The following ARHGEF18 variants were observed in gnomAD, a reference collection of about 807,000 sequenced individuals.
The protein encoded by ARHGEF18 is rho guanine nucleotide exchange factor 18.
In ARHGEF18, 93 loss-of-function variants were observed where a neutral mutation model predicts 155.7. The observed-to-expected ratio is 0.60, with a 90% confidence interval of 0.50 to 0.71. The LOEUF (loss-of-function observed/expected upper bound fraction) is 0.71, where lower values mean the gene tolerates loss of function less well. Among genes scored for constraint, ARHGEF18 ranks in the 30% least tolerant of loss-of-function variants. The probability of loss-of-function intolerance (pLI) is 0.00; values close to 1 mark genes in which losing one functional copy is unlikely to be tolerated. For missense variants in ARHGEF18, 1,593 were observed against 1,816.1 expected (o/e 0.88, Z 2.23); for synonymous variants, 742 against 753.1 (o/e 0.99, Z 0.24).
chr19:7,421,272 A>G (rs543129350), intron 10 of ARHGEF18, among the ~76,000 whole-genome samples: 1 of 152,240 alleles, frequency 6.6e-6, no homozygotes, highest in East Asian at 1.9e-4. Flanking sequence ...GTCCAGTTAC[A>G]CACAGACGTT....
chr19:7,387,359 A>G (rs1395087556), intron 10 of ARHGEF18, among the ~76,000 whole-genome samples: 4 of 151,904 alleles, frequency 2.6e-5, no homozygotes, highest in Admixed American at 2.6e-4. Context: ...TCACCGTGTT[A>G]ACCAGGATAA....
rs1568363055 is a variant in ARHGEF18 at position 7,463,715 on chromosome 19, G to A, written c.2636-103G>A. On this transcript the variant is annotated intron_variant, in intron 21 of 28. Coordinates refer to ENST00000668164, the MANE Select transcript of ARHGEF18 (RefSeq NM_001367823.1). The surrounding 1 kb of genome is among the most constrained non-coding windows in gnomAD (Gnocchi z 5.2). ...AAGGGGGCAGGCGATCACCACCCCA[G>A]TGAGTCCCTCCGTCCACCCGGGTCT... 7.2e-7 allele frequency: 1 copy of A among 1,386,890 alleles called. No homozygotes were observed. Among genetic ancestry groups the A allele is most frequent in the Non-Finnish European group, 9.7e-7 (1 of 1,035,902 alleles). 85.9% of individuals were successfully genotyped at this position (1,386,890 alleles called of 1,614,324 possible). A position where few individuals can be genotyped will look rare whatever the true frequency, so the allele number is the denominator to read the frequency against.
rs1357242787 is a variant in ARHGEF18 at position 7,467,601 on chromosome 19, G to A, written c.3397G>A (p.Glu1133Lys). 11 of 1,509,348 alleles carry A rather than the reference G, an allele frequency of 7.3e-6. No individual in the cohort carries two copies. The highest frequency in any genetic ancestry group is 9.7e-6 in the Non-Finnish European group (11 of 1,136,956). The allele number at this position is 1,509,348 out of a possible 1,614,324, so 93.5% of individuals were successfully genotyped here. ...LREAQRAVER[E>K]RERLELLRRL... is the part of the protein sequence containing the mutation. ...CGAGGCCCAGCGTGCCGTGGAGCGCGAGCGGGAGCGCCTGGAGCTGCTGCG... is the reference window on the plus strand; with the variant it reads ...CGAGGCCCAGCGTGCCGTGGAGCGCAAGCGGGAGCGCCTGGAGCTGCTGCG... The change falls in exon 26 of 29, where the codon GAG (glutamate) becomes AAG (lysine). Residue 1133 changes from glutamate (E) to lysine (K), a missense_variant. Glu to Lys is a moderately conservative substitution (Grantham distance 56, BLOSUM62 1). Transcript: ENST00000668164.
chr19:7,414,257 G>A (rs1163734783), intron 10 of ARHGEF18, among the ~76,000 whole-genome samples: 3 of 151,910 alleles, frequency 2.0e-5, no homozygotes, highest in Non-Finnish European at 2.9e-5. Context: ...ATCACCCCTG[G>A]TAGAGAATCG....
chr19:7,454,086 C>T (rs1452560322), intron 17 of ARHGEF18, among the ~76,000 whole-genome samples: 1 of 150,798 alleles, frequency 6.6e-6, no homozygotes, highest in Non-Finnish European at 1.5e-5. Context: ...TTGGTAGGTG[C>T]CATATGGGAT....
chr19:7,449,194 C>T (rs1308487788), intron 15 of ARHGEF18, among the ~76,000 whole-genome samples: 1 of 151,988 alleles, frequency 6.6e-6, no homozygotes, highest in African/African-American at 2.4e-5. Context: ...ACAAGAGCAG[C>T]GGGAGCAAAC....
chr19:7,466,408 A>G (rs1215229861), intron 23 of ARHGEF18, among the ~76,000 whole-genome samples: 1 of 148,082 alleles, frequency 6.8e-6, no homozygotes, highest in Non-Finnish European at 1.5e-5. Context: ...AAAATTAAAA[A>G]TAGCTGATCC....
At chr19:7,361,313 G>A (rs534415754) in intron 1 of ARHGEF18, among the ~76,000 whole-genome samples, 16 of 152,172 alleles carry the variant, frequency 1.1e-4, no homozygotes, top group Non-Finnish European at 2.1e-4. Context: ...TGGTGCATAC[G>A]TGTAATCCCA....
At chr19:7,473,241 G>A, downstream of ARHGEF18, 1 of 456,220 alleles carries the variant, frequency 2.2e-6, no homozygotes, top group South Asian at 1.5e-5. Flanking sequence ...ATCACAAGGG[G>A]ACTAGGTGTA....
At chr19:7,363,389 A>T (rs573517034) in intron 2 of ARHGEF18, among the ~76,000 whole-genome samples, 2 of 152,076 alleles carry the variant, frequency 1.3e-5, no homozygotes, top group East Asian at 1.9e-4. Flanking sequence ...GGATGGACTG[A>T]TGGAAGGAAG....
At chr19:7,472,963 A>G (rs1276208058), downstream of ARHGEF18, 6 of 455,778 alleles carry the variant, frequency 1.3e-5, no homozygotes, top group Non-Finnish European at 2.2e-5. Context: ...CAGCCTCCCA[A>G]AGTGCTGGGA....
At position 7,472,313 on chromosome 19, in the gene ARHGEF18, G is replaced by C. The variant is rs1024708333; in HGVS notation, c.*2015G>C. 1 of 152,588 alleles carries C rather than the reference G, an allele frequency of 6.6e-6. No homozygotes were observed. The highest frequency in any genetic ancestry group is 1.5e-5 in the Non-Finnish European group (1 of 68,178). 9.5% of individuals were successfully genotyped at this position (152,588 alleles called of 1,614,324 possible). A position where few individuals can be genotyped will look rare whatever the true frequency, so the allele number is the denominator to read the frequency against. On this transcript the variant is annotated 3_prime_UTR_variant, in exon 29 of 29. Transcript: ENST00000668164. Reference sequence around the variant, plus strand: ...TTGTAAAGTTGACAGTCGAGCAAATGTTCCTATTTTCGTGGGATCTGCACA... The same window carrying C: ...TTGTAAAGTTGACAGTCGAGCAAATCTTCCTATTTTCGTGGGATCTGCACA...
intron 1 of ARHGEF18, among the ~76,000 whole-genome samples, chr19:7,356,552 G>A (rs1035482466): frequency 6.6e-6 from 1 of 152,174 alleles, no homozygotes; most frequent in East Asian, 1.9e-4. Flanking sequence ...GGGATTATAG[G>A]TGTGAGCCAG....
At chr19:7,456,440 G>A (rs1023811980) in intron 18 of ARHGEF18, 37 bp downstream of exon 18, 1 of 1,593,008 alleles carries the variant, frequency 6.3e-7, no homozygotes, top group Non-Finnish European at 8.6e-7. Flanking sequence ...GGGTCGGCTG[G>A]GTGCTGTGGC....
intron 10 of ARHGEF18, among the ~76,000 whole-genome samples, chr19:7,432,869 T>A (rs1974040784): frequency 6.6e-6 from 1 of 152,248 alleles, no homozygotes; most frequent in Non-Finnish European, 1.5e-5. Context: ...ACTTAATATG[T>A]CATATCAGGT....
chr19:7,453,663 G>A lies in ARHGEF18; in HGVS notation c.2052G>A (p.Gln684=), dbSNP rs1488401618. The part of the protein sequence containing the change: ...TFRKEDMLQR[Q]LHLEGMLCWK... ...GCAAGGAAGACATGCTTCAGCGGCA[G>A]CTCCACCTGGAGGGCATGCTATGCT... Residue 684 remains glutamine (Q), a synonymous_variant, in exon 17 of 29, where the codon CAG becomes CAA. Coordinates refer to ENST00000668164, the MANE Select transcript of ARHGEF18 (RefSeq NM_001367823.1). The A allele has an allele frequency of 6.2e-7, 1 of 1,605,814 alleles. No homozygotes were observed. Among genetic ancestry groups the A allele is most frequent in the Admixed American group, 1.7e-5 (1 of 59,560 alleles).
At chr19:7,399,151 G>A (rs1971891753) in intron 10 of ARHGEF18, among the ~76,000 whole-genome samples, 2 of 152,114 alleles carry the variant, frequency 1.3e-5, no homozygotes, top group African/African-American at 4.8e-5. Flanking sequence ...CCCTGAGACG[G>A]TCAAGAACTA....
At chr19:7,381,058 T>C in intron 8 of ARHGEF18, 64 bp downstream of exon 8, 2 of 1,175,952 alleles carry the variant, frequency 1.7e-6, no homozygotes, top group Non-Finnish European at 2.1e-6. Context: ...TTACAGATGG[T>C]CCTTTGGGCC....
intron 10 of ARHGEF18, among the ~76,000 whole-genome samples, chr19:7,437,591 G>A (rs1486702483): frequency 6.6e-6 from 1 of 151,922 alleles, no homozygotes; most frequent in Non-Finnish European, 1.5e-5. Flanking sequence ...ACAAGGCAAT[G>A]GTGTATCGGG....
Sources: gnomAD v4.1 joint callset for allele counts (sites outside exome capture counted in the v4.1 genomes callset) on GRCh38, gnomAD v4.1.1 for gene constraint, Gnocchi (gnomAD v3.1) non-coding constraint, MANE v1.5 for transcripts, NCBI Gene and HGNC (gene_info 2026-07-23, HGNC 2026-07-21) for gene names.